PRKG1: variants seen among roughly 807,000 people sequenced by gnomAD.
PRKG1 encodes the protein protein kinase cGMP-dependent 1.
Under a neutral mutation model 88.1 loss-of-function variants are expected in PRKG1, and 35 were observed. That is an observed-to-expected ratio of 0.40 (90% CI 0.30 to 0.53). The LOEUF (loss-of-function observed/expected upper bound fraction) is 0.53. Among genes scored for constraint, PRKG1 ranks in the 20% least tolerant of loss-of-function variants. The pLI is 0.59. For synonymous variants in PRKG1, 303 were observed against 292.5 expected, an observed-to-expected ratio of 1.04 and a Z score of -0.37; for missense variants, 540 against 839.8, an observed-to-expected ratio of 0.64 and a Z score of 4.41.
At chr10:52,109,969 T>G (rs1847519032) in intron 7 of PRKG1, among the ~76,000 whole-genome samples, 1 of 151,804 alleles carries the variant, frequency 6.6e-6, no homozygotes, top group African/African-American at 2.4e-5. Flanking sequence ...CTTGACATTG[T>G]AAAGTCATTG....
intron 2 of PRKG1, among the ~76,000 whole-genome samples, chr10:51,404,188 T>C (rs988818571): frequency 5.9e-5 from 9 of 152,232 alleles, no homozygotes; most frequent in Admixed American, 5.9e-4. Context: ...CAAGAGTATT[T>C]CAGATAGTTA....
At chr10:51,000,785 G>A (rs183803294) in intron 1 of PRKG1, among the ~76,000 whole-genome samples, 9 of 152,166 alleles carry the variant, frequency 5.9e-5, no homozygotes, top group Admixed American at 1.3e-4. Flanking sequence ...CAGATTGTGC[G>A]TAATGTCAAT....
At chr10:51,430,403 A>C (rs1245629641) in intron 2 of PRKG1, among the ~76,000 whole-genome samples, 1 of 152,190 alleles carries the variant, frequency 6.6e-6, no homozygotes, top group Non-Finnish European at 1.5e-5. Flanking sequence ...CCTAGGTAAC[A>C]GAGTGAGATC....
chr10:51,890,343 T>C (rs1841687477), intron 4 of PRKG1, among the ~76,000 whole-genome samples: 1 of 152,198 alleles, frequency 6.6e-6, no homozygotes, highest in South Asian at 2.1e-4. Context: ...AATCAAACTG[T>C]GAATCTGAAA....
intron 9 of PRKG1, among the ~76,000 whole-genome samples, chr10:52,209,894 C>A (rs976671036): frequency 1.3e-5 from 2 of 152,178 alleles, no homozygotes; most frequent in Admixed American, 1.3e-4. Flanking sequence ...ACCCTCTCCT[C>A]AGCAACAATC....
In PRKG1 at chr10:52,114,452, CT is replaced by C. The variant is rs934974543; in HGVS notation, c.936-19378del. On this transcript the variant is annotated intron_variant, in intron 7 of 17. Transcript: ENST00000373980. ...GTCACATATTTTAGTTCTTTTCGTTCTTTTTTTTTTCCTTTCAAACAATCCT... is the reference window on the plus strand; with the variant it reads ...GTCACATATTTTAGTTCTTTTCGTTCTTTTTTTTTCCTTTCAAACAATCCT... 3.6e-4 allele frequency among the ~76,000 whole-genome samples: 54 copies of C among 148,450 alleles called. No individual in the cohort carries two copies. In the East Asian group the frequency reaches 6.1e-3, roughly 17 times the overall value.
chr10:51,098,513 A>G (rs4935222), intron 1 of PRKG1, among the ~76,000 whole-genome samples: 116,352 of 152,086 alleles, frequency 0.77, 45,077 homozygotes, highest in East Asian at 0.86. Flanking sequence ...TCTTAAGGAC[A>G]GGTCACTGAA....
chr10:50,995,962 A>C (rs1199659780), intron 1 of PRKG1, among the ~76,000 whole-genome samples: 1 of 152,228 alleles, frequency 6.6e-6, no homozygotes, highest in Non-Finnish European at 1.5e-5. Context: ...GATCCAATTC[A>C]CATTTGATTT....
chr10:51,046,953 C>T (rs1188998508), intron 1 of PRKG1, among the ~76,000 whole-genome samples: 1 of 152,124 alleles, frequency 6.6e-6, no homozygotes, highest in Non-Finnish European at 1.5e-5. Context: ...GAGTCGGGTG[C>T]TCAGAACACA....
chr10:51,246,735 A>G (rs192683249), intron 2 of PRKG1, among the ~76,000 whole-genome samples: 25 of 152,204 alleles, frequency 1.6e-4, no homozygotes, highest in Admixed American at 1.4e-3. Flanking sequence ...ATAAATGTCA[A>G]CTGGCAGAAC....
chr10:51,073,771 G>T (rs1048361140), upstream of PRKG1, among the ~76,000 whole-genome samples: 1 of 152,110 alleles, frequency 6.6e-6, no homozygotes, highest in Non-Finnish European at 1.5e-5. Flanking sequence ...GCTGAAAGGG[G>T]GAATTCCTCG....
At chr10:51,954,137 A>C (rs1843248953) in intron 5 of PRKG1, among the ~76,000 whole-genome samples, 1 of 152,182 alleles carries the variant, frequency 6.6e-6, no homozygotes, top group Non-Finnish European at 1.5e-5. Flanking sequence ...GAGGATCCCA[A>C]GTTTCCTTAA....
At chr10:51,421,161 C>A (rs565967587) in intron 2 of PRKG1, among the ~76,000 whole-genome samples, 1 of 151,292 alleles carries the variant, frequency 6.6e-6, no homozygotes, top group Non-Finnish European at 1.5e-5. Context: ...CCTTTTATTT[C>A]TTGTTTGTTT....
chr10:51,403,643 T>A (rs1179259428), intron 2 of PRKG1, among the ~76,000 whole-genome samples: 1 of 152,162 alleles, frequency 6.6e-6, no homozygotes, highest in African/African-American at 2.4e-5. Context: ...CCAGGTCTCC[T>A]TTTTAAATAA....
chr10:51,783,819 C>G (rs969438453), intron 3 of PRKG1, among the ~76,000 whole-genome samples: 1 of 152,024 alleles, frequency 6.6e-6, no homozygotes, highest in Non-Finnish European at 1.5e-5. Context: ...CACCATAGAG[C>G]CTTCAATAAA....
chr10:51,568,604 T>G (rs1837667681), intron 3 of PRKG1: 1 of 152,020 alleles, frequency 6.6e-6, no homozygotes, highest in Non-Finnish European at 1.5e-5. Flanking sequence ...ATAGGGAACC[T>G]TCGTATTTAA....
At chr10:52,064,483 G>T (rs1846310061) in intron 7 of PRKG1, among the ~76,000 whole-genome samples, 1 of 152,320 alleles carries the variant, frequency 6.6e-6, no homozygotes, top group African/African-American at 2.4e-5. Flanking sequence ...CTCCAAGAGG[G>T]CAGGGATCTT....
At chr10:51,603,686 T>C (rs1156447350) in intron 3 of PRKG1, among the ~76,000 whole-genome samples, 1 of 152,154 alleles carries the variant, frequency 6.6e-6, no homozygotes, top group Non-Finnish European at 1.5e-5. Context: ...CATGAACAAG[T>C]AGAGAAAGGC....
At chr10:51,462,738 C>G (rs1287295766) in intron 2 of PRKG1, among the ~76,000 whole-genome samples, 1 of 152,166 alleles carries the variant, frequency 6.6e-6, no homozygotes, top group African/African-American at 2.4e-5. Flanking sequence ...CTAAATAAAA[C>G]TATAAATAAC....
Sources: allele counts gnomAD v4.1 joint callset (sites outside exome capture counted in the v4.1 genomes callset), GRCh38; gene constraint gnomAD v4.1.1; transcripts MANE v1.5; gene names NCBI Gene and HGNC (gene_info 2026-07-23, HGNC 2026-07-21).